The following KLF16 variants were observed in gnomAD, a reference collection of about 807,000 sequenced individuals.
KLF16 encodes KLF transcription factor 16, also known as Krueppel-like factor 16.
KLF16 carries 6 observed loss-of-function variants against 6.1 expected under a neutral mutation model. That is an observed-to-expected ratio of 0.98 (90% CI 0.54 to 1.93). The LOEUF is 1.93. Among genes scored for constraint, KLF16 ranks in the 30% most tolerant of loss-of-function variants. The probability of loss-of-function intolerance (pLI) is 0.01; values close to 1 mark genes in which losing one functional copy is unlikely to be tolerated. For missense variants in KLF16, 355 were observed against 363.8 expected (o/e 0.98, Z 0.20); for synonymous variants, 211 against 176.5 (o/e 1.20, Z -1.55).
the KLF16 span, among the ~76,000 whole-genome samples, chr19:1,871,044 T>C: frequency 3.9e-5 from 6 of 152,190 alleles, no homozygotes; most frequent in African/African-American, 1.4e-4. Flanking sequence ...CACAGGGTTG[T>C]GCACTGTACT....
At chr19:1,863,737 C>T (rs2012127174), upstream of KLF16, among the ~76,000 whole-genome samples, 1 of 142,626 alleles carries the variant, frequency 7.0e-6, no homozygotes. Flanking sequence ...CGGGGCGCCG[C>T]AGCCACGCCC....
chr19:1,853,306 G>C lies in KLF16; in HGVS notation c.*1153C>G, dbSNP rs1351199950. 1 of 152,218 alleles carries C rather than the reference G, an allele frequency of 6.6e-6. No individual in the cohort carries two copies. Among genetic ancestry groups the C allele is most frequent in the African/African-American group, 2.4e-5 (1 of 41,390 alleles). The allele number at this position is 152,218 out of a possible 1,614,324, so 9.4% of individuals were successfully genotyped here. A position where few individuals can be genotyped will look rare whatever the true frequency, so the allele number is the denominator to read the frequency against. ...ATATTCTACCCGGTGCAAAAAAAACGAGCTACCCCAGGAGGCTGCACAGCC... is the reference window on the plus strand; with the variant it reads ...ATATTCTACCCGGTGCAAAAAAAACCAGCTACCCCAGGAGGCTGCACAGCC... On this transcript the variant is annotated 3_prime_UTR_variant, in exon 2 of 2. Coordinates refer to ENST00000250916, the MANE Select transcript of KLF16 (RefSeq NM_031918.4).
rs753443074 is a variant in KLF16, at chr19:1,863,125, TGGC to T, written c.370_372del (p.Ala124del). The T allele has an allele frequency of 1.5e-6, 2 of 1,345,936 alleles. No homozygotes were observed. The highest frequency in any genetic ancestry group is 5.5e-5 in the Admixed American group (2 of 36,172). The allele number at this position is 1,345,936 out of a possible 1,614,324, so 83.4% of individuals were successfully genotyped here. A position where few individuals can be genotyped will look rare whatever the true frequency, so the allele number is the denominator to read the frequency against. ...TCCGGGAAGGGACAGCGGTGGCTCTTGGCGGCGGCGGAGGGCGCGGCGCCGGGG... is the reference window on the plus strand; with the variant it reads ...TCCGGGAAGGGACAGCGGTGGCTCTTGGCGGCGGAGGGCGCGGCGCCGGGG... On this transcript the variant is annotated inframe_deletion, in exon 1 of 2. Transcript: ENST00000250916.
chr19:1,866,889 CT>C (rs1391331252), upstream of KLF16, among the ~76,000 whole-genome samples: 1 of 152,010 alleles, frequency 6.6e-6, no homozygotes, highest in East Asian at 1.9e-4. Flanking sequence ...GCAGCAGACA[CT>C]TTGGGGCATC....
At chr19:1,862,944 TC>T (rs1041872415) in intron 1 of KLF16, 96 bp downstream of exon 1, 124 of 701,064 alleles carry the variant, frequency 1.8e-4, no homozygotes, top group Non-Finnish European at 2.2e-4. Flanking sequence ...CGCGCCCCCC[TC>T]CCCGCCCCCC....
In KLF16 at chr19:1,857,451, T is replaced by C. The variant is rs2011977556; in HGVS notation, c.458-2691A>G. Among the ~76,000 whole-genome samples the C allele has an allele frequency of 6.6e-6, 1 of 152,302 alleles. No homozygotes were observed. The highest frequency in any genetic ancestry group is 1.9e-4 in the East Asian group (1 of 5,172). ...CAGTGTGGGCGGGGCCGCGGTGGAC[T>C]TGACCCTCTGACTCAGGCTGGGCCC... On this transcript the variant is annotated intron_variant, in intron 1 of 1. Transcript: ENST00000250916. This position sits in a 1 kb window ranked among gnomAD's most constrained non-coding sequence, Gnocchi z 4.7.
rs576211499 is a variant in KLF16, at chr19:1,852,941, C to A, written c.*1518G>T. On this transcript the variant is annotated 3_prime_UTR_variant, in exon 2 of 2. Transcript: ENST00000250916. Reference sequence around the variant, plus strand: ...AGGTGCACACCAGTGCCATCCAAAGCCCCCCTGTCCCCAAGCGAGAGGCAG... The same window carrying A: ...AGGTGCACACCAGTGCCATCCAAAGACCCCCTGTCCCCAAGCGAGAGGCAG... 2.1e-3 allele frequency: 321 copies of A among 152,294 alleles called. 1 individual carries two copies. The highest frequency in any genetic ancestry group is 4.6e-3 in the Admixed American group (71 of 15,292). 9.4% of individuals were successfully genotyped at this position (152,294 alleles called of 1,614,324 possible). A position where few individuals can be genotyped will look rare whatever the true frequency, so the allele number is the denominator to read the frequency against.
At chr19:1,864,286 C>T (rs1478999930), upstream of KLF16, among the ~76,000 whole-genome samples, 4 of 152,120 alleles carry the variant, frequency 2.6e-5, no homozygotes, top group Non-Finnish European at 5.9e-5. Flanking sequence ...GCGACCCTTC[C>T]CCCCTCTTCT....
chr19:1,868,015 T>C (rs1169996223), upstream of KLF16, among the ~76,000 whole-genome samples: 2 of 151,720 alleles, frequency 1.3e-5, no homozygotes, highest in Admixed American at 6.6e-5. Context: ...GACAGTCGGG[T>C]CTTTGCTTTG....
chr19:1,858,802 C>T (rs1424648039), intron 1 of KLF16, among the ~76,000 whole-genome samples: 1 of 152,152 alleles, frequency 6.6e-6, no homozygotes, highest in East Asian at 1.9e-4. Context: ...CCCTCAAGGA[C>T]CCTGGTGCCT....
chr19:1,858,240 A>G (rs1166691568), intron 1 of KLF16, among the ~76,000 whole-genome samples: 2 of 151,992 alleles, frequency 1.3e-5, no homozygotes, highest in African/African-American at 2.4e-5. Context: ...CTCCTGGACT[A>G]GTGCAGTAGT....
At chr19:1,865,829 C>T (rs1416586907), upstream of KLF16, among the ~76,000 whole-genome samples, 3 of 152,240 alleles carry the variant, frequency 2.0e-5, no homozygotes, top group Admixed American at 6.5e-5. Flanking sequence ...CAGCAGCGCC[C>T]GGCACAGGGC....
At chr19:1,855,767 C>A (rs1451299903) in intron 1 of KLF16, among the ~76,000 whole-genome samples, 1 of 152,232 alleles carries the variant, frequency 6.6e-6, no homozygotes, top group African/African-American at 2.4e-5. Context: ...GGTCAGTCCA[C>A]CTCCACCCAG....
the KLF16 span, among the ~76,000 whole-genome samples, chr19:1,868,714 G>A: frequency 6.7e-6 from 1 of 148,360 alleles, no homozygotes; most frequent in Non-Finnish European, 1.5e-5. Flanking sequence ...GCACAATCTC[G>A]GCTCATTGCA....
chr19:1,860,163 G>T (rs1340613422), intron 1 of KLF16: 1 of 151,736 alleles, frequency 6.6e-6, no homozygotes, highest in Non-Finnish European at 1.5e-5. Context: ...TGGAGAGCAG[G>T]GAGCCGACAG....
chr19:1,855,542 C>G (rs919775107), intron 1 of KLF16, among the ~76,000 whole-genome samples: 2 of 152,204 alleles, frequency 1.3e-5, no homozygotes, highest in Non-Finnish European at 2.9e-5. Flanking sequence ...TCCACAGTCC[C>G]CTCCCACCGC....
At chr19:1,863,959 C>T (rs1233688278), upstream of KLF16, among the ~76,000 whole-genome samples, 1 of 146,938 alleles carries the variant, frequency 6.8e-6, no homozygotes, top group Non-Finnish European at 1.5e-5. Context: ...CGCCCCCGTA[C>T]CCTTTCCCGG....
chr19:1,860,635 C>G (rs929964799), intron 1 of KLF16, among the ~76,000 whole-genome samples: 2 of 151,984 alleles, frequency 1.3e-5, no homozygotes, highest in African/African-American at 2.4e-5. Flanking sequence ...CCGGCCTCCA[C>G]TCCATTCAGG....
Position 1,857,632 on chromosome 19 carries a change from G to A in KLF16, c.458-2872C>T, listed in dbSNP as rs1182838677. On this transcript the variant is annotated intron_variant, in intron 1 of 1. Coordinates refer to ENST00000250916, the MANE Select transcript of KLF16 (RefSeq NM_031918.4). The surrounding 1 kb of genome is among the most constrained non-coding windows in gnomAD (Gnocchi z 4.7). ...CAAGGGCCCTGGTTCCGACAGGGAAGCCTCACCTCCTGAGCTTGTCTGGGG... is the reference window on the plus strand; with the variant it reads ...CAAGGGCCCTGGTTCCGACAGGGAAACCTCACCTCCTGAGCTTGTCTGGGG... Among the ~76,000 whole-genome samples the A allele has an allele frequency of 1.3e-5, 2 of 151,964 alleles. No individual in the cohort carries two copies. The highest frequency in any genetic ancestry group is 4.8e-5 in the African/African-American group (2 of 41,390).
Sources: allele counts gnomAD v4.1 joint callset (sites outside exome capture counted in the v4.1 genomes callset), GRCh38; gene constraint gnomAD v4.1.1; non-coding constraint Gnocchi (gnomAD v3.1); transcripts MANE v1.5; gene names NCBI Gene and HGNC (gene_info 2026-07-23, HGNC 2026-07-21).